The following SLC35F4 variants were observed in gnomAD, a reference collection of about 807,000 sequenced individuals.
SLC35F4 encodes solute carrier family 35 member F4.
Under a neutral mutation model 44.2 loss-of-function variants are expected in SLC35F4, and 24 were observed. The ratio of observed to expected loss-of-function variants is 0.54; its 90% CI spans 0.39 to 0.76. SLC35F4 has a LOEUF of 0.76. Among genes scored for constraint, SLC35F4 ranks in the 30% least tolerant of loss-of-function variants. SLC35F4 has a pLI of 0.00. For missense variants in SLC35F4, 562 were observed against 586.1 expected (o/e 0.96, Z 0.42); for synonymous variants, 238 against 223.6 (o/e 1.06, Z -0.57).
At chr14:57,753,347 AG>A (rs1297602318) in intron 1 of SLC35F4, among the ~76,000 whole-genome samples, 6 of 152,192 alleles carry the variant, frequency 3.9e-5, no homozygotes, top group African/African-American at 1.4e-4. Flanking sequence ...TACTTGGCCC[AG>A]TAAGTAGCAC....
At chr14:57,750,931 T>C (rs2076869353) in intron 1 of SLC35F4, among the ~76,000 whole-genome samples, 1 of 152,188 alleles carries the variant, frequency 6.6e-6, no homozygotes, top group African/African-American at 2.4e-5. Flanking sequence ...ATTTTATTGT[T>C]AGTCAACAAG....
chr14:57,953,529 G>A lies in SLC35F4; in HGVS notation n.282+28384C>T, dbSNP rs373937122. Among the ~76,000 whole-genome samples the A allele has an allele frequency of 3.3e-5, 5 of 152,232 alleles. No individual in the cohort carries two copies. The South Asian group carries it at 1.0e-3, about 32-fold the overall frequency. On this transcript the variant is annotated intron_variant and non_coding_transcript_variant, in intron 1 of 1. Coordinates refer to the SLC35F4 transcript ENST00000556568. ...ACCCGTCAGTGTGCTGTATCCAGGA[G>A]AACCATCTCATGTGAAAAGACACAC...
At chr14:57,741,689 C>A (rs1337852011) in intron 1 of SLC35F4, among the ~76,000 whole-genome samples, 1 of 152,132 alleles carries the variant, frequency 6.6e-6, no homozygotes, top group Non-Finnish European at 1.5e-5. Flanking sequence ...GAGAACTTCC[C>A]AAACCTAGCA....
At chr14:57,800,483 C>T (rs1219234617) in intron 1 of SLC35F4, among the ~76,000 whole-genome samples, 2 of 152,140 alleles carry the variant, frequency 1.3e-5, no homozygotes, top group Non-Finnish European at 2.9e-5. Context: ...CAACACCTAA[C>T]CAGCAAGGGC....
At position 57,719,479 on chromosome 14, in the gene SLC35F4, G is replaced by A. The variant is rs536259315; in HGVS notation, c.104-125355C>T. ...ATGGAATATCTCTCCATTTTTTGGT[G>A]TCCTCTTCAATTTCTTTGACCAGTG... On this transcript the variant is annotated intron_variant, in intron 1 of 7. Transcript: ENST00000556826. Among the ~76,000 whole-genome samples, 6 of 152,116 alleles carry A rather than the reference G, an allele frequency of 3.9e-5. No homozygotes were observed. In the South Asian group the frequency reaches 1.0e-3, roughly 26 times the overall value.
chr14:57,956,614 T>C (rs906173787), intron 1 of SLC35F4, among the ~76,000 whole-genome samples: 1 of 151,716 alleles, frequency 6.6e-6, no homozygotes, highest in Non-Finnish European at 1.5e-5. Flanking sequence ...AACAACCCCA[T>C]GAAAAAGTGG....
At chr14:57,810,349 T>C (rs1432037421) in intron 1 of SLC35F4, among the ~76,000 whole-genome samples, 1 of 152,266 alleles carries the variant, frequency 6.6e-6, no homozygotes, top group African/African-American at 2.4e-5. Context: ...AAGATAGTAC[T>C]GTCCTTTCTG....
intron 1 of SLC35F4, among the ~76,000 whole-genome samples, chr14:57,824,989 A>C (rs550099309): frequency 1.8e-4 from 27 of 152,286 alleles, no homozygotes; most frequent in African/African-American, 6.0e-4. Flanking sequence ...AAAAAGAGTC[A>C]AGAGGGTACA....
chr14:57,572,281 C>G (rs916903917), intron 4 of SLC35F4, among the ~76,000 whole-genome samples: 4 of 151,892 alleles, frequency 2.6e-5, no homozygotes, highest in African/African-American at 9.7e-5. Flanking sequence ...CTTTTTTAGG[C>G]CTAATAATTT....
chr14:57,876,429 A>G (rs1207415953), intron 1 of SLC35F4, among the ~76,000 whole-genome samples: 3 of 152,166 alleles, frequency 2.0e-5, no homozygotes, highest in African/African-American at 7.2e-5. Context: ...CTGGCTGCTG[A>G]AAAAAATGAG....
intron 1 of SLC35F4, among the ~76,000 whole-genome samples, chr14:57,746,465 T>G (rs2140536983): frequency 6.6e-6 from 1 of 152,316 alleles, no homozygotes; most frequent in East Asian, 1.9e-4. Context: ...ATTGACTTTC[T>G]GTGTAAATCA....
At chr14:57,936,654 C>A (rs1295059864) in intron 1 of SLC35F4, among the ~76,000 whole-genome samples, 1 of 152,200 alleles carries the variant, frequency 6.6e-6, no homozygotes, top group Non-Finnish European at 1.5e-5. Context: ...CAATCCCCTA[C>A]AATAAAGAAT....
chr14:57,912,942 C>G (rs961310820), intron 1 of SLC35F4, among the ~76,000 whole-genome samples: 1 of 152,042 alleles, frequency 6.6e-6, no homozygotes, highest in Non-Finnish European at 1.5e-5. Flanking sequence ...TATTTTGATG[C>G]TCTGTTGTTA....
At chr14:57,721,213 C>A (rs927761472) in intron 1 of SLC35F4, among the ~76,000 whole-genome samples, 13 of 151,662 alleles carry the variant, frequency 8.6e-5, no homozygotes, top group Admixed American at 2.6e-4. Flanking sequence ...TAAGGTCTCT[C>A]CTTTAATAGT....
intron 1 of SLC35F4, among the ~76,000 whole-genome samples, chr14:57,619,490 G>C (rs141063472): frequency 0.022 from 3,400 of 152,216 alleles, 70 homozygotes; most frequent in South Asian, 0.048. Context: ...GAAAGGAATA[G>C]CATCAACATC....
At chr14:57,674,518 G>A (rs2074625878) in intron 1 of SLC35F4, among the ~76,000 whole-genome samples, 1 of 152,128 alleles carries the variant, frequency 6.6e-6, no homozygotes, top group South Asian at 2.1e-4. Context: ...ATGGAACATT[G>A]CTCAGCAATA....
intron 1 of SLC35F4, among the ~76,000 whole-genome samples, chr14:57,724,057 TG>T (rs2076146879): frequency 6.6e-6 from 1 of 152,224 alleles, no homozygotes; most frequent in African/African-American, 2.4e-5. Context: ...CAATGCTTAG[TG>T]GGCCTATTTG....
At chr14:57,769,931 A>G (rs2077323174) in intron 1 of SLC35F4, among the ~76,000 whole-genome samples, 1 of 152,198 alleles carries the variant, frequency 6.6e-6, no homozygotes, top group African/African-American at 2.4e-5. Flanking sequence ...CATATTTTCA[A>G]TATTTTACAT....
chr14:57,863,196 T>G (rs915023481), intron 1 of SLC35F4, among the ~76,000 whole-genome samples: 1 of 152,190 alleles, frequency 6.6e-6, no homozygotes, highest in Non-Finnish European at 1.5e-5. Flanking sequence ...GATTTCTTAT[T>G]TATATTTACT....
Sources: allele counts gnomAD v4.1 joint callset (sites outside exome capture counted in the v4.1 genomes callset), GRCh38; gene constraint gnomAD v4.1.1; transcripts MANE v1.5; gene names NCBI Gene and HGNC (gene_info 2026-07-23, HGNC 2026-07-21).